Variants in LTBP1 observed in about 807,000 individuals in gnomAD.
LTBP1 encodes latent transforming growth factor beta binding protein 1, also known as latent-transforming growth factor beta-binding protein 1.
LTBP1 carries 129 observed loss-of-function variants against 207.6 expected under a neutral mutation model. That is an observed-to-expected ratio of 0.62 (90% CI 0.54 to 0.72). LTBP1 has a LOEUF of 0.72. Ranked by LOEUF, LTBP1 falls within the 30% of genes least tolerant of loss-of-function variation. The pLI, the probability that LTBP1 is intolerant of heterozygous loss-of-function variation, is 0.00. For synonymous variants in LTBP1, 963 were observed against 833.7 expected (o/e 1.16, Z -2.67); for missense variants, 2,281 against 2,217.2 (o/e 1.03, Z -0.58).
chr2:33,021,243 C>G (rs1398519543), intron 3 of LTBP1, 37 bp downstream of exon 3: 1 of 1,527,756 alleles, frequency 6.5e-7, no homozygotes, highest in African/African-American at 1.4e-5. Flanking sequence ...TAAGGATCAT[C>G]TTAATTACTC....
At chr2:33,106,684 C>T (rs890314918) in intron 3 of LTBP1, among the ~76,000 whole-genome samples, 14 of 151,556 alleles carry the variant, frequency 9.2e-5, no homozygotes, top group African/African-American at 1.5e-4. Flanking sequence ...ATGCTGCAAA[C>T]GCATGTGCTG....
At chr2:33,053,506 G>T (rs371033308) in intron 3 of LTBP1, among the ~76,000 whole-genome samples, 1 of 152,002 alleles carries the variant, frequency 6.6e-6, no homozygotes, top group African/African-American at 2.4e-5. Flanking sequence ...GCCCTCGCTC[G>T]CTCTCGGTGC....
At chr2:32,981,242 T>C (rs1365216440) in intron 2 of LTBP1, among the ~76,000 whole-genome samples, 1 of 152,212 alleles carries the variant, frequency 6.6e-6, no homozygotes, top group African/African-American at 2.4e-5. Context: ...ATTTTCTAGA[T>C]CTTTTAGGTG....
intron 3 of LTBP1, among the ~76,000 whole-genome samples, chr2:33,021,511 A>G (rs570247785): frequency 5.3e-5 from 8 of 152,310 alleles, no homozygotes; most frequent in African/African-American, 1.9e-4. Context: ...TAAAGTTGTT[A>G]GTTTAAAAAT....
chr2:33,132,193 C>T (rs1305701903), intron 4 of LTBP1, among the ~76,000 whole-genome samples: 1 of 152,172 alleles, frequency 6.6e-6, no homozygotes, highest in African/African-American at 2.4e-5. Flanking sequence ...CTTGAACACA[C>T]AAAGTATCCT....
chr2:33,333,890 T>A (rs1351448551), intron 24 of LTBP1, among the ~76,000 whole-genome samples: 1 of 151,426 alleles, frequency 6.6e-6, no homozygotes, highest in Non-Finnish European at 1.5e-5. Context: ...GGTCTAGGAC[T>A]AAGCTCTGAG....
At chr2:33,018,187 C>A (rs934751939) in intron 2 of LTBP1, among the ~76,000 whole-genome samples, 10 of 150,916 alleles carry the variant, frequency 6.6e-5, no homozygotes, top group African/African-American at 2.2e-4. Flanking sequence ...TGTCTCCCCA[C>A]CCCCCTTACC....
At chr2:33,188,955 T>C (rs1040768471) in intron 7 of LTBP1, 104 bp downstream of exon 7, 1 of 1,328,926 alleles carries the variant, frequency 7.5e-7, no homozygotes, top group East Asian at 2.3e-5. Context: ...AAAAAAGGCT[T>C]TGACAAACTA....
At chr2:32,948,993 G>A in intron 2 of LTBP1, 48 bp downstream of exon 2, 3 of 1,591,950 alleles carry the variant, frequency 1.9e-6, no homozygotes, top group Non-Finnish European at 1.7e-6. Context: ...CAAAGTGGGG[G>A]GAGGTGTCCA....
intron 5 of LTBP1, among the ~76,000 whole-genome samples, chr2:33,143,784 G>GTTTTTTTTTT (rs2082809457): frequency 7.6e-6 from 1 of 131,528 alleles, no homozygotes; most frequent in Admixed American, 7.3e-5. Flanking sequence ...GCTGTTTTTT[G>GTTTTTTTTTT]TTGTTTTTTT....
In LTBP1 at chr2:33,025,660, A is replaced by G. The variant is rs537938513; in HGVS notation, c.863+4454A>G. ...ATTGTTGATTTTGGGAGCTGTGATG[A>G]TGGCATTGTAGTTATGTTCATAAGG... On this transcript the variant is annotated intron_variant, in intron 3 of 33. Transcript: ENST00000404816. Among the ~76,000 whole-genome samples, 3 of 152,336 alleles carry G rather than the reference A, an allele frequency of 2.0e-5. No homozygotes were observed. The South Asian group carries it at 6.2e-4, about 32-fold the overall frequency.
intron 24 of LTBP1, among the ~76,000 whole-genome samples, chr2:33,317,470 A>G (rs1317750992): frequency 6.6e-6 from 1 of 152,086 alleles, no homozygotes; most frequent in Non-Finnish European, 1.5e-5. Context: ...ATTGGTCCAA[A>G]TTTCCCTTTG....
chr2:32,965,727 C>G (rs1679901691), intron 2 of LTBP1, among the ~76,000 whole-genome samples: 1 of 152,180 alleles, frequency 6.6e-6, no homozygotes, highest in Admixed American at 6.5e-5. Flanking sequence ...CCATCATCTG[C>G]TGAAGGACAT....
intron 5 of LTBP1, among the ~76,000 whole-genome samples, chr2:33,152,052 A>G (rs1364498939): frequency 6.6e-6 from 1 of 152,180 alleles, no homozygotes; most frequent in African/African-American, 2.4e-5. Flanking sequence ...TGCAATAAAA[A>G]CAAAGATAAA....
intron 24 of LTBP1, among the ~76,000 whole-genome samples, chr2:33,322,377 C>T (rs1043442798): frequency 2.6e-5 from 4 of 152,130 alleles, no homozygotes; most frequent in Non-Finnish European, 5.9e-5. Context: ...CTTTTTAGAT[C>T]ATGGAAGGTT....
chr2:33,080,807 C>A (rs1289375327), intron 3 of LTBP1, among the ~76,000 whole-genome samples: 2 of 152,132 alleles, frequency 1.3e-5, no homozygotes, highest in Non-Finnish European at 1.5e-5. Flanking sequence ...TTTCAATACA[C>A]ACATCAATGT....
chr2:33,365,460 G>T lies in LTBP1; in HGVS notation c.4668G>T (p.Glu1556Asp). The T allele has an allele frequency of 6.2e-7, 1 of 1,614,146 alleles. No homozygotes were observed. The highest frequency in any genetic ancestry group is 1.1e-5 in the South Asian group (1 of 91,076). ...TYTECCCLYG[E>D]AWGMQCALCP... Reference sequence around the variant, plus strand: ...CTGAGTGCTGCTGTCTGTATGGAGAGGCCTGGGGCATGCAGTGTGCCCTCT... The same window carrying T: ...CTGAGTGCTGCTGTCTGTATGGAGATGCCTGGGGCATGCAGTGTGCCCTCT... Residue 1556 changes from glutamate (E) to aspartate (D), a missense_variant, in exon 31 of 34, where the codon GAG becomes GAT. Physicochemically the swap from Glu to Asp is conservative, Grantham distance 45. This residue lies in a region of LTBP1 where 1,671 missense variants were observed against 1,634.8 expected (regional missense o/e 1.02). Coordinates refer to ENST00000404816, the MANE Select transcript of LTBP1 (RefSeq NM_206943.4).
intron 7 of LTBP1, among the ~76,000 whole-genome samples, chr2:33,195,100 A>T (rs991068758): frequency 4.6e-5 from 7 of 152,250 alleles, no homozygotes; most frequent in African/African-American, 1.7e-4. Context: ...TTGACAATGT[A>T]CCTGGTCACT....
chr2:33,008,169 A>G (rs113983272), intron 2 of LTBP1, among the ~76,000 whole-genome samples: 67 of 152,322 alleles, frequency 4.4e-4, no homozygotes, highest in African/African-American at 1.5e-3. Flanking sequence ...TTGCCTGATG[A>G]AAATAAAAGT....
Sources: allele counts gnomAD v4.1 joint callset (sites outside exome capture counted in the v4.1 genomes callset), GRCh38; gene constraint gnomAD v4.1.1; regional missense constraint gnomAD v4.1.1; transcripts MANE v1.5; gene names NCBI Gene and HGNC (gene_info 2026-07-23, HGNC 2026-07-21).